Variants in FREM2 observed in about 807,000 individuals in gnomAD.
FREM2 encodes FRAS1-related extracellular matrix protein 2.
Under a neutral mutation model 219.9 loss-of-function variants are expected in FREM2, and 119 were observed. The ratio of observed to expected loss-of-function variants is 0.54; its 90% CI spans 0.47 to 0.63. The LOEUF is 0.63. Ranked by LOEUF, FREM2 falls within the 30% of genes least tolerant of loss-of-function variation. The pLI is 0.00. For missense variants in FREM2, 4,030 were observed against 3,993.6 expected (o/e 1.01, Z -0.25); for synonymous variants, 1,562 against 1,522.8 (o/e 1.03, Z -0.60).
intron 6 of FREM2, among the ~76,000 whole-genome samples, chr13:38,821,192 T>C (rs1876034890): frequency 6.6e-6 from 1 of 152,148 alleles, no homozygotes; most frequent in Admixed American, 6.6e-5. Context: ...CCTTGAGAAA[T>C]AGGCCTTCAT....
chr13:38,793,418 G>T (rs899020966), intron 6 of FREM2, among the ~76,000 whole-genome samples: 9 of 152,208 alleles, frequency 5.9e-5, no homozygotes, highest in Non-Finnish European at 1.0e-4. Flanking sequence ...TTTCTGGAGT[G>T]AGAAATTCAC....
intron 6 of FREM2, among the ~76,000 whole-genome samples, chr13:38,791,187 T>A (rs955566468): frequency 8.5e-5 from 13 of 152,190 alleles, no homozygotes; most frequent in South Asian, 2.1e-4. Context: ...ACAGCACATT[T>A]AAAAATATAT....
chr13:38,774,225 T>C (rs1253734903), intron 4 of FREM2, among the ~76,000 whole-genome samples: 1 of 152,142 alleles, frequency 6.6e-6, no homozygotes, highest in African/African-American at 2.4e-5. Context: ...TATTATATAT[T>C]AAGCCTCAAA....
At chr13:38,738,195 A>G (rs1428325527) in intron 2 of FREM2, among the ~76,000 whole-genome samples, 1 of 152,182 alleles carries the variant, frequency 6.6e-6, no homozygotes, top group Non-Finnish European at 1.5e-5. Flanking sequence ...GCAGGAAAAA[A>G]TAATGAGGAG....
intron 1 of FREM2, among the ~76,000 whole-genome samples, chr13:38,693,892 C>A (rs925481909): frequency 6.6e-6 from 1 of 152,152 alleles, no homozygotes; most frequent in African/African-American, 2.4e-5. Context: ...AAGTGTCATG[C>A]CAGACCAGTA....
At chr13:38,725,174 T>G (rs1164619149) in intron 2 of FREM2, among the ~76,000 whole-genome samples, 1 of 152,210 alleles carries the variant, frequency 6.6e-6, no homozygotes, top group Admixed American at 6.5e-5. Flanking sequence ...AGAAATTTAT[T>G]CATCATTCAT....
chr13:38,857,448 C>T (rs1566168789), intron 12 of FREM2, among the ~76,000 whole-genome samples: 1 of 152,212 alleles, frequency 6.6e-6, no homozygotes, highest in Non-Finnish European at 1.5e-5. Context: ...TCCAGGCTCA[C>T]ACTATCCCAT....
At chr13:38,840,529 A>G (rs181480011) in intron 6 of FREM2, among the ~76,000 whole-genome samples, 5 of 149,266 alleles carry the variant, frequency 3.3e-5, no homozygotes, top group Admixed American at 2.0e-4. Flanking sequence ...TTTTTAATCT[A>G]TCACTGCTGC....
At chr13:38,744,203 CTTTTTTTTTTTT>C (rs11308232) in intron 2 of FREM2, among the ~76,000 whole-genome samples, 3 of 51,712 alleles carry the variant, frequency 5.8e-5, no homozygotes, top group Non-Finnish European at 1.0e-4. Context: ...GAGGTAAATC[CTTTTTTTTTTTT>C]TTTTTTTTTT....
In FREM2 at chr13:38,853,603, A is replaced by G. The variant is rs181078742; in HGVS notation, c.6925+1735A>G. Reference sequence around the variant, plus strand: ...TCAGTAATAAAGTTAGTGAGGCAACATAAAAAATGGCGTCTTCTACAAAGG... The same window carrying G: ...TCAGTAATAAAGTTAGTGAGGCAACGTAAAAAATGGCGTCTTCTACAAAGG... On this transcript the variant is annotated intron_variant, in intron 11 of 23. Coordinates refer to ENST00000280481, the MANE Select transcript of FREM2 (RefSeq NM_207361.6). Among the ~76,000 whole-genome samples the G allele has an allele frequency of 7.0e-4, 106 of 152,348 alleles. 1 individual carries two copies. The highest frequency in any genetic ancestry group is 1.4e-3 in the South Asian group (7 of 4,834).
At chr13:38,822,808 C>A (rs11842033) in intron 6 of FREM2, among the ~76,000 whole-genome samples, 1 of 152,024 alleles carries the variant, frequency 6.6e-6, no homozygotes, top group Non-Finnish European at 1.5e-5. Flanking sequence ...TAGGTTAGCT[C>A]CCTGAGGAAA....
At chr13:38,767,406 T>G (rs910347477) in intron 3 of FREM2, among the ~76,000 whole-genome samples, 2 of 152,214 alleles carry the variant, frequency 1.3e-5, no homozygotes, top group African/African-American at 4.8e-5. Context: ...TTAGATGGCT[T>G]GACTATCGTG....
intron 6 of FREM2, among the ~76,000 whole-genome samples, chr13:38,814,924 TG>T (rs897345791): frequency 1.3e-5 from 2 of 152,146 alleles, no homozygotes; most frequent in Non-Finnish European, 2.9e-5. Flanking sequence ...TCTTAGCTTG[TG>T]GTGAATGCTG....
rs565939276 is a variant in FREM2 at position 38,766,142 on chromosome 13, C to A, written c.5410+1692C>A. ...AGTTTATTTAATTTTTCACTCACAA[C>A]AGGCCCCTGGATAACATTGGGAAAG... On this transcript the variant is annotated intron_variant, in intron 3 of 23. Coordinates refer to ENST00000280481, the MANE Select transcript of FREM2 (RefSeq NM_207361.6). 2.0e-5 allele frequency among the ~76,000 whole-genome samples: 3 copies of A among 152,292 alleles called. No homozygotes were observed. The East Asian group carries it at 5.8e-4, about 29-fold the overall frequency.
intron 18 of FREM2, among the ~76,000 whole-genome samples, chr13:38,874,874 G>A (rs1292606737): frequency 3.3e-5 from 5 of 152,150 alleles, no homozygotes; most frequent in East Asian, 1.9e-4. Flanking sequence ...AAAGAGCATA[G>A]GAATAATCAT....
chr13:38,773,565 C>T (rs4429171), intron 4 of FREM2, among the ~76,000 whole-genome samples: 138,803 of 152,172 alleles, frequency 0.91, 63,337 homozygotes, highest in Middle Eastern at 0.96. Context: ...TAAGTGTTTC[C>T]TTGTTTCGTT....
At chr13:38,754,178 A>G (rs1474025529) in intron 2 of FREM2, among the ~76,000 whole-genome samples, 6 of 152,008 alleles carry the variant, frequency 3.9e-5, no homozygotes, top group South Asian at 2.1e-4. Context: ...TAATTCATCA[A>G]ACCAGAGGGT....
At chr13:38,812,457 A>G (rs186534651) in intron 6 of FREM2, among the ~76,000 whole-genome samples, 8 of 152,156 alleles carry the variant, frequency 5.3e-5, no homozygotes, top group Admixed American at 1.3e-4. Context: ...TTGTGTATCC[A>G]TTGTATGCTT....
At position 38,714,491 on chromosome 13, in the gene FREM2, A is replaced by T. The variant is rs148495030; in HGVS notation, c.5263+16704A>T. Reference sequence around the variant, plus strand: ...GGGAGGGGAATGTTGGTGAAAGGATACAAAATTTTAGATAAGAAGGTAAGT... The same window carrying T: ...GGGAGGGGAATGTTGGTGAAAGGATTCAAAATTTTAGATAAGAAGGTAAGT... On this transcript the variant is annotated intron_variant, in intron 2 of 23. Transcript: ENST00000280481. Among the ~76,000 whole-genome samples the T allele has an allele frequency of 3.5e-3, 538 of 152,320 alleles. 2 individuals carry two copies. Among genetic ancestry groups the T allele is most frequent in the African/African-American group, 0.012 (511 of 41,578 alleles).
Sources: allele counts gnomAD v4.1 joint callset (sites outside exome capture counted in the v4.1 genomes callset), GRCh38; gene constraint gnomAD v4.1.1; transcripts MANE v1.5; gene names NCBI Gene and HGNC (gene_info 2026-07-23, HGNC 2026-07-21).